SLC36A1: variants seen among roughly 807,000 people sequenced by gnomAD.
The protein encoded by SLC36A1 is solute carrier family 36 member 1, also known as proton-coupled amino acid transporter 1.
A neutral mutation model predicts 47.5 loss-of-function variants in SLC36A1; 30 were observed. That is an observed-to-expected ratio of 0.63 (90% CI 0.47 to 0.86). The LOEUF is 0.86. Ranked by LOEUF, SLC36A1 falls within the 40% of genes least tolerant of loss-of-function variation. The pLI, the probability that SLC36A1 is intolerant of heterozygous loss-of-function variation, is 0.00. For missense variants in SLC36A1, 517 were observed against 606.0 expected (o/e 0.85, Z 1.54); for synonymous variants, 255 against 249.7 (o/e 1.02, Z -0.20).
chr5:151,529,116 G>T, the SLC36A1 span: 1 of 1,397,930 alleles, frequency 7.2e-7, no homozygotes. Flanking sequence ...TGGGTGTGGG[G>T]GTGAGATAAG....
the SLC36A1 span, among the ~76,000 whole-genome samples, chr5:151,533,592 G>C: frequency 6.6e-6 from 1 of 151,934 alleles, no homozygotes. Flanking sequence ...AACAGAGCAG[G>C]GTGTTTTGAT....
intron 1 of SLC36A1, among the ~76,000 whole-genome samples, chr5:151,438,846 A>C (rs1409535232): frequency 6.6e-6 from 1 of 152,234 alleles, no homozygotes; most frequent in Non-Finnish European, 1.5e-5. Context: ...GAGTCCTCAG[A>C]GTGCATGCAT....
In SLC36A1 at chr5:151,473,626, T is replaced by C. The variant is rs202137005; in HGVS notation, c.724-47T>C. On this transcript the variant is annotated intron_variant, in intron 7 of 10. Coordinates refer to ENST00000243389, the MANE Select transcript of SLC36A1 (RefSeq NM_078483.4). ...TCAGAGTTCAAATCTTGAATTTCTG[T>C]ATAGCCTTTTGCTTTGTTTTGCTTT... 3.0e-5 allele frequency: 36 copies of C among 1,212,786 alleles called. No homozygotes were observed. The Admixed American group carries it at 6.5e-4, about 22-fold the overall frequency. 75.1% of individuals were successfully genotyped at this position (1,212,786 alleles called of 1,614,324 possible). A position where few individuals can be genotyped will look rare whatever the true frequency, so the allele number is the denominator to read the frequency against.
chr5:151,554,700 C>A, the SLC36A1 span: 2 of 1,575,666 alleles, frequency 1.3e-6, no homozygotes, highest in Non-Finnish European at 1.7e-6. Context: ...GCATGAGCAC[C>A]TGAGCTGACA....
chr5:151,440,982 CT>C (rs1163435806), intron 1 of SLC36A1, among the ~76,000 whole-genome samples: 26 of 152,290 alleles, frequency 1.7e-4, no homozygotes, highest in South Asian at 4.1e-4. Context: ...TCAGACTCTC[CT>C]AGAGGGCTTT....
At chr5:151,481,852 C>T (rs2127537345) in intron 10 of SLC36A1, among the ~76,000 whole-genome samples, 1 of 152,324 alleles carries the variant, frequency 6.6e-6, no homozygotes, top group East Asian at 1.9e-4. Context: ...GAAATGCGGA[C>T]TTAGCAGGTC....
the SLC36A1 span, chr5:151,528,209 G>A: frequency 1.4e-5 from 22 of 1,546,590 alleles, no homozygotes; most frequent in Middle Eastern, 3.6e-4. Flanking sequence ...AAACAGATAT[G>A]TCCCTGCCCC....
At chr5:151,517,400 C>G in the SLC36A1 span, among the ~76,000 whole-genome samples, 1 of 152,220 alleles carries the variant, frequency 6.6e-6, no homozygotes, top group African/African-American at 2.4e-5. Context: ...AGTAAGCAGC[C>G]CCACTTGTGA....
chr5:151,545,443 C>T, the SLC36A1 span: 132 of 1,613,990 alleles, frequency 8.2e-5, no homozygotes, highest in Non-Finnish European at 1.1e-4. Flanking sequence ...ATCGCTGGCC[C>T]GCACCATGAG....
the SLC36A1 span, among the ~76,000 whole-genome samples, chr5:151,355,949 G>A: frequency 6.6e-6 from 1 of 152,174 alleles, no homozygotes; most frequent in Non-Finnish European, 1.5e-5. Flanking sequence ...ACACTTAGGG[G>A]TGAAGCAGAT....
chr5:151,464,793 A>C (rs1756095357), intron 4 of SLC36A1, among the ~76,000 whole-genome samples, 191 bp downstream of exon 4: 1 of 152,098 alleles, frequency 6.6e-6, no homozygotes, highest in South Asian at 2.1e-4. Context: ...TCATCTGTTA[A>C]ATTTACTTAT....
the SLC36A1 span, among the ~76,000 whole-genome samples, chr5:151,393,219 T>A: frequency 1.3e-5 from 2 of 152,062 alleles, no homozygotes; most frequent in Non-Finnish European, 2.9e-5. Flanking sequence ...AGACTAGGAT[T>A]GCAACCCCTG....
chr5:151,458,341 T>A (rs56680323), intron 1 of SLC36A1, among the ~76,000 whole-genome samples: 21,265 of 107,616 alleles, frequency 0.2, 1,790 homozygotes, highest in East Asian at 0.43. Context: ...TATGGGATAT[T>A]TATATATATA....
intron 2 of SLC36A1, among the ~76,000 whole-genome samples, chr5:151,463,343 G>T (rs556894927): frequency 1.3e-5 from 2 of 152,220 alleles, no homozygotes; most frequent in Non-Finnish European, 2.9e-5. Flanking sequence ...GTGGATAAGA[G>T]GGGGAGCTCT....
chr5:151,452,098 G>T (rs982797606), intron 1 of SLC36A1, among the ~76,000 whole-genome samples: 2 of 152,184 alleles, frequency 1.3e-5, no homozygotes, highest in African/African-American at 4.8e-5. Flanking sequence ...AAGTGTGCGT[G>T]TTTGCCTGTT....
intron 1 of SLC36A1, among the ~76,000 whole-genome samples, chr5:151,454,014 CTATT>C (rs1430813353): frequency 1.2e-4 from 17 of 146,800 alleles, no homozygotes; most frequent in Non-Finnish European, 2.2e-4. Context: ...CAACACTTGT[CTATT>C]TATACAGCTA....
At chr5:151,538,119 A>AGAGG in the SLC36A1 span, among the ~76,000 whole-genome samples, 1 of 152,082 alleles carries the variant, frequency 6.6e-6, no homozygotes, top group Non-Finnish European at 1.5e-5. Context: ...AGAAGCAGAG[A>AGAGG]GAGGGAGGGA....
chr5:151,513,690 A>G, the SLC36A1 span, among the ~76,000 whole-genome samples: 1 of 152,218 alleles, frequency 6.6e-6, no homozygotes, highest in African/African-American at 2.4e-5. Context: ...CCAATCCCCT[A>G]TGATACATCG....
At chr5:151,465,717 A>AT (rs979991652) in intron 5 of SLC36A1, among the ~76,000 whole-genome samples, 18 of 152,172 alleles carry the variant, frequency 1.2e-4, no homozygotes, top group Admixed American at 9.8e-4. Flanking sequence ...AACTTTAAAG[A>AT]TTCTCTTGTC....
Sources: gnomAD v4.1 joint callset for allele counts (sites outside exome capture counted in the v4.1 genomes callset) on GRCh38, gnomAD v4.1.1 for gene constraint, MANE v1.5 for transcripts, NCBI Gene and HGNC (gene_info 2026-07-23, HGNC 2026-07-21) for gene names.